Variants in AKAP6 observed in about 807,000 individuals in gnomAD.
AKAP6 encodes A-kinase anchoring protein 6, also known as A-kinase anchor protein 6.
Under a neutral mutation model 188.5 loss-of-function variants are expected in AKAP6, and 58 were observed. The ratio of observed to expected loss-of-function variants is 0.31; its 90% CI spans 0.25 to 0.38. The LOEUF is 0.38. Among genes scored for constraint, AKAP6 ranks in the 10% least tolerant of loss-of-function variants. The probability of loss-of-function intolerance (pLI) is 1.00; values close to 1 mark genes in which losing one functional copy is unlikely to be tolerated. For synonymous variants in AKAP6, 989 were observed against 998.6 expected (o/e 0.99, Z 0.18); for missense variants, 2,710 against 2,740.0 (o/e 0.99, Z 0.24).
intron 2 of AKAP6, among the ~76,000 whole-genome samples, chr14:32,486,131 T>C (rs58553987): frequency 0.032 from 4,798 of 152,212 alleles, 257 homozygotes; most frequent in African/African-American, 0.11. Context: ...TGGTCGTAGA[T>C]GTGGTGTTAT....
intron 1 of AKAP6, among the ~76,000 whole-genome samples, chr14:32,331,839 A>G (rs930207814): frequency 6.6e-6 from 1 of 152,132 alleles, no homozygotes; most frequent in African/African-American, 2.4e-5. Context: ...AGTTTAGGCC[A>G]TGGAAGCCTC....
chr14:32,775,544 C>G (rs943130899), intron 12 of AKAP6, among the ~76,000 whole-genome samples: 15 of 151,922 alleles, frequency 9.9e-5, no homozygotes, highest in African/African-American at 3.6e-4. Context: ...GTGATCCCCC[C>G]ACCTCAACCT....
At chr14:32,552,982 A>C (rs1883539747) in intron 4 of AKAP6, among the ~76,000 whole-genome samples, 1 of 151,864 alleles carries the variant, frequency 6.6e-6, no homozygotes. Flanking sequence ...GTCTTCTCTG[A>C]GTCACACAGA....
intron 8 of AKAP6, among the ~76,000 whole-genome samples, chr14:32,680,535 A>G (rs1889632625): frequency 6.6e-6 from 1 of 152,186 alleles, no homozygotes; most frequent in African/African-American, 2.4e-5. Flanking sequence ...GCTTTCAAGG[A>G]TCTTCATTCC....
chr14:32,557,952 C>T (rs970446351), intron 4 of AKAP6, among the ~76,000 whole-genome samples: 1 of 152,088 alleles, frequency 6.6e-6, no homozygotes, highest in African/African-American at 2.4e-5. Context: ...AATATGATGA[C>T]ACTATGAGTT....
At chr14:32,365,938 G>A (rs1163459647) in intron 1 of AKAP6, among the ~76,000 whole-genome samples, 1 of 152,052 alleles carries the variant, frequency 6.6e-6, no homozygotes, top group African/African-American at 2.4e-5. Context: ...CCTCTCTCCT[G>A]CTTCCTGGGT....
intron 11 of AKAP6, among the ~76,000 whole-genome samples, chr14:32,765,030 G>A (rs866184309): frequency 6.6e-6 from 1 of 150,978 alleles, no homozygotes; most frequent in Middle Eastern, 3.4e-3. Flanking sequence ...TGCCTCCCAG[G>A]TTCAAGCAAT....
chr14:32,581,593 T>G (rs1008245508), intron 5 of AKAP6, among the ~76,000 whole-genome samples: 2 of 152,086 alleles, frequency 1.3e-5, no homozygotes, highest in East Asian at 1.9e-4. Flanking sequence ...TGACAGTGGG[T>G]TGTTAAAGTC....
At chr14:32,746,808 T>G (rs1395460247) in intron 11 of AKAP6, among the ~76,000 whole-genome samples, 3 of 152,168 alleles carry the variant, frequency 2.0e-5, no homozygotes, top group Non-Finnish European at 2.9e-5. Flanking sequence ...ATCTGTTACT[T>G]GAAAGAGAAA....
At chr14:32,437,811 G>A (rs566189483) in intron 2 of AKAP6, among the ~76,000 whole-genome samples, 1 of 152,240 alleles carries the variant, frequency 6.6e-6, no homozygotes, top group South Asian at 2.1e-4. Context: ...TGTTGCCCAG[G>A]CTGGTCTTGA....
At chr14:32,803,791 T>A (rs2034018600) in intron 12 of AKAP6, among the ~76,000 whole-genome samples, 2 of 152,200 alleles carry the variant, frequency 1.3e-5, no homozygotes, top group Non-Finnish European at 2.9e-5. Context: ...CTACTGAGGT[T>A]TCCTAAAGGC....
chr14:32,596,782 C>T (rs1379164638), intron 5 of AKAP6, among the ~76,000 whole-genome samples: 1 of 152,150 alleles, frequency 6.6e-6, no homozygotes, highest in Admixed American at 6.6e-5. Context: ...AAGGAAAGAA[C>T]AGCAACAAAA....
chr14:32,344,732 A>G (rs1223180960), intron 1 of AKAP6, among the ~76,000 whole-genome samples: 3 of 152,160 alleles, frequency 2.0e-5, no homozygotes, highest in African/African-American at 4.8e-5. Flanking sequence ...CCTTGCCAAC[A>G]TGGCGAAACC....
chr14:32,421,238 T>C (rs12890042), intron 1 of AKAP6, among the ~76,000 whole-genome samples: 34,151 of 151,992 alleles, frequency 0.22, 5,171 homozygotes, highest in East Asian at 0.83. Context: ...CTCATGTCCT[T>C]CATTTTCTTG....
intron 9 of AKAP6, among the ~76,000 whole-genome samples, chr14:32,719,574 T>G (rs1171948343): frequency 6.6e-6 from 1 of 152,186 alleles, no homozygotes; most frequent in Non-Finnish European, 1.5e-5. Flanking sequence ...ATAAGAAATA[T>G]ATAGTTTCTT....
chr14:32,582,156 T>C (rs1413879800), intron 5 of AKAP6, among the ~76,000 whole-genome samples: 2 of 152,176 alleles, frequency 1.3e-5, no homozygotes, highest in South Asian at 2.1e-4. Context: ...CCATGTTTAG[T>C]GCTTCCTTCA....
At chr14:32,628,235 T>C (rs1887106743) in intron 7 of AKAP6, 1 of 152,078 alleles carries the variant, frequency 6.6e-6, no homozygotes, top group Admixed American at 6.6e-5. Flanking sequence ...ACCGTAGCAG[T>C]CATTAGAGGG....
At chr14:32,556,317 A>G (rs991463265) in intron 4 of AKAP6, among the ~76,000 whole-genome samples, 1 of 151,896 alleles carries the variant, frequency 6.6e-6, no homozygotes, top group African/African-American at 2.4e-5. Flanking sequence ...TTTGTTGTTC[A>G]GTTGTAGGAG....
At chr14:32,476,497 T>C (rs1168313487) in intron 2 of AKAP6, among the ~76,000 whole-genome samples, 1 of 152,208 alleles carries the variant, frequency 6.6e-6, no homozygotes, top group African/African-American at 2.4e-5. Context: ...CTCAAAGATA[T>C]ATTGCAATAA....
Sources: gnomAD v4.1 joint callset for allele counts (sites outside exome capture counted in the v4.1 genomes callset) on GRCh38, gnomAD v4.1.1 for gene constraint, MANE v1.5 for transcripts, NCBI Gene and HGNC (gene_info 2026-07-23, HGNC 2026-07-21) for gene names.